Variants in EGFLAM observed in about 807,000 individuals in gnomAD.
EGFLAM encodes the protein EGF like, fibronectin type III and laminin G domains, also known as pikachurin.
Under a neutral mutation model 113.1 loss-of-function variants are expected in EGFLAM, and 79 were observed. The ratio of observed to expected loss-of-function variants is 0.70; its 90% CI spans 0.58 to 0.84. The LOEUF is 0.84. Ranked by LOEUF, EGFLAM falls within the 40% of genes least tolerant of loss-of-function variation. EGFLAM has a pLI of 0.00. For missense variants in EGFLAM, 1,265 were observed against 1,291.6 expected (o/e 0.98, Z 0.32); for synonymous variants, 504 against 487.6 (o/e 1.03, Z -0.44).
chr5:38,269,589 A>G (rs1483386064), intron 1 of EGFLAM, among the ~76,000 whole-genome samples: 1 of 150,206 alleles, frequency 6.7e-6, no homozygotes, highest in African/African-American at 2.5e-5. Flanking sequence ...TCGCAGGTTC[A>G]CGCCATTCTC....
At chr5:38,380,955 A>G (rs554772349) in intron 6 of EGFLAM, among the ~76,000 whole-genome samples, 3 of 152,344 alleles carry the variant, frequency 2.0e-5, no homozygotes, top group Middle Eastern at 3.4e-3. Flanking sequence ...GGAACTCACG[A>G]TGCTCTGATT....
chr5:38,304,558 C>T (rs1035360132), intron 1 of EGFLAM, among the ~76,000 whole-genome samples: 8 of 152,150 alleles, frequency 5.3e-5, no homozygotes, highest in Admixed American at 3.3e-4. Context: ...TGGGATGTGA[C>T]CAGCCTAAGA....
chr5:38,420,040 AAAAAC>A (rs77417353), intron 12 of EGFLAM, among the ~76,000 whole-genome samples: 6 of 152,094 alleles, frequency 3.9e-5, no homozygotes, highest in South Asian at 2.1e-4. Flanking sequence ...ACAAAAAACA[AAAAAC>A]AAAACAAAAC....
chr5:38,337,478 A>G, intron 1 of EGFLAM, 42 bp from the exon 2 acceptor site: 1 of 1,517,932 alleles, frequency 6.6e-7, no homozygotes, highest in Non-Finnish European at 9.0e-7. Context: ...TCAAGGTGGG[A>G]TGTGTGGAGC....
chr5:38,422,679 C>G (rs1741870587), intron 12 of EGFLAM, among the ~76,000 whole-genome samples: 1 of 152,100 alleles, frequency 6.6e-6, no homozygotes, highest in African/African-American at 2.4e-5. Flanking sequence ...AAATAACTCC[C>G]ATGACTTCAA....
intron 3 of EGFLAM, among the ~76,000 whole-genome samples, chr5:38,346,339 T>G (rs1360556259): frequency 1.3e-5 from 2 of 152,240 alleles, no homozygotes; most frequent in Non-Finnish European, 2.9e-5. Flanking sequence ...TAATATTTTT[T>G]GTACATGTAC....
chr5:38,352,387 A>T, intron 5 of EGFLAM, 56 bp downstream of exon 5: 4 of 1,595,496 alleles, frequency 2.5e-6, no homozygotes, highest in Non-Finnish European at 3.4e-6. Context: ...GGTGGCTCAC[A>T]CCTGTAATCC....
chr5:38,458,281 TC>T (rs1743155531), intron 19 of EGFLAM, 29 bp from the exon 20 acceptor site: 2 of 1,607,238 alleles, frequency 1.2e-6, no homozygotes, highest in African/African-American at 2.7e-5. Context: ...TTTATTCTGT[TC>T]TCTGTCTTCT....
At chr5:38,312,121 T>C (rs1317523138) in intron 1 of EGFLAM, among the ~76,000 whole-genome samples, 2 of 152,194 alleles carry the variant, frequency 1.3e-5, no homozygotes, top group East Asian at 1.9e-4. Context: ...CAATAATCTC[T>C]GTATGGTGTG....
At position 38,427,159 on chromosome 5, in the gene EGFLAM, A is replaced by G. The variant is rs1272153967; in HGVS notation, c.1961A>G (p.Tyr654Cys). 1.2e-6 allele frequency: 2 copies of G among 1,614,152 alleles called. No homozygotes were observed. The highest frequency in any genetic ancestry group is 2.2e-5 in the East Asian group (1 of 44,882). ...DSGDGVLLYS[Y>C]DTGSKDFLSI... ...GGAGATGGTGTCCTCCTGTACAGCTATGACACAGGCAGCAAAGACTTCCTG... is the reference window on the plus strand; with the variant it reads ...GGAGATGGTGTCCTCCTGTACAGCTGTGACACAGGCAGCAAAGACTTCCTG... Residue 654 changes from tyrosine to cysteine, a missense_variant, in exon 14 of 22, where the codon TAT (tyrosine) becomes TGT (cysteine). Tyr to Cys is a radical substitution (Grantham distance 194). Coordinates refer to ENST00000322350, the MANE Select transcript of EGFLAM (RefSeq NM_152403.4).
At chr5:38,288,697 G>A (rs1758231388) in intron 1 of EGFLAM, among the ~76,000 whole-genome samples, 1 of 152,176 alleles carries the variant, frequency 6.6e-6, no homozygotes, top group Non-Finnish European at 1.5e-5. Flanking sequence ...TTTTCTTGTG[G>A]TAAAAGACTC....
At chr5:38,445,298 G>A (rs192122062) in intron 17 of EGFLAM, among the ~76,000 whole-genome samples, 1 of 152,210 alleles carries the variant, frequency 6.6e-6, no homozygotes, top group Non-Finnish European at 1.5e-5. Context: ...TCATTGACAA[G>A]GTAAGTAACT....
intron 1 of EGFLAM, among the ~76,000 whole-genome samples, chr5:38,264,920 C>G (rs979039599): frequency 6.6e-6 from 1 of 152,220 alleles, no homozygotes; most frequent in Admixed American, 6.5e-5. Context: ...CATCACTGTG[C>G]TTCCCCTCCT....
chr5:38,407,124 AG>A lies in EGFLAM; in HGVS notation c.1127del (p.Gly376ValfsTer22), dbSNP rs762973387. 6.2e-7 allele frequency: 1 copy of A among 1,613,732 alleles called. No individual in the cohort carries two copies. On this transcript the variant is annotated frameshift_variant, in exon 8 of 22. Coordinates refer to ENST00000322350, the MANE Select transcript of EGFLAM (RefSeq NM_152403.4). LOFTEE classifies it high-confidence loss of function. ...CGCGATGCCAGTGCACCCTGGGCAA[AG>A]GTGGTGAGAGCTGCTCAGAAGGTAG... is the stretch of plus-strand genomic sequence containing the variant. ...GSRCQCTLGK[G>X]GESCSEDIVI...
chr5:38,347,529 A>G (rs950787976), intron 3 of EGFLAM, among the ~76,000 whole-genome samples: 1 of 152,136 alleles, frequency 6.6e-6, no homozygotes, highest in Non-Finnish European at 1.5e-5. Context: ...GTCTCAGCTG[A>G]TCTGAGTCAT....
intron 1 of EGFLAM, among the ~76,000 whole-genome samples, chr5:38,283,596 G>C (rs558704077): frequency 6.6e-6 from 1 of 152,244 alleles, no homozygotes; most frequent in East Asian, 1.9e-4. Context: ...AACCCTGCCT[G>C]GTCTAGGGCA....
intron 6 of EGFLAM, chr5:38,403,947 A>G: frequency 6.2e-7 from 1 of 1,612,866 alleles, no homozygotes; most frequent in African/African-American, 1.3e-5. Context: ...ACTACTTTAA[A>G]TAAAACTGGG....
intron 5 of EGFLAM, among the ~76,000 whole-genome samples, chr5:38,368,727 C>G (rs1740131466): frequency 2.0e-5 from 3 of 152,120 alleles, no homozygotes. Flanking sequence ...GTCACTCCCC[C>G]TTTTCATCCA....
intron 6 of EGFLAM, chr5:38,403,102 A>G (rs1457709684): frequency 6.6e-6 from 1 of 152,270 alleles, no homozygotes; most frequent in African/African-American, 2.4e-5. Flanking sequence ...AATATGTGAG[A>G]GAGGCAGAGA....
Sources: allele counts gnomAD v4.1 joint callset (sites outside exome capture counted in the v4.1 genomes callset), GRCh38; gene constraint gnomAD v4.1.1; transcripts MANE v1.5; gene names NCBI Gene and HGNC (gene_info 2026-07-23, HGNC 2026-07-21).